CAPRIN2: variants seen among roughly 807,000 people sequenced by gnomAD.
The protein encoded by CAPRIN2 is caprin-2.
Under a neutral mutation model 130.4 loss-of-function variants are expected in CAPRIN2, and 66 were observed. The ratio of observed to expected loss-of-function variants is 0.51; its 90% CI spans 0.42 to 0.62. CAPRIN2 has a LOEUF of 0.62. Among genes scored for constraint, CAPRIN2 ranks in the 20% least tolerant of loss-of-function variants. CAPRIN2 has a pLI of 0.00. For synonymous variants in CAPRIN2, 471 were observed against 444.1 expected (o/e 1.06, Z -0.76); for missense variants, 1,185 against 1,246.6 (o/e 0.95, Z 0.74).
At chr12:30,730,093 T>C (rs536538285) in intron 7 of CAPRIN2, 146 bp downstream of exon 8, 2 of 629,714 alleles carry the variant, frequency 3.2e-6, no homozygotes, top group East Asian at 5.5e-5. Context: ...CTGGACCAGA[T>C]TTCTTGCCCA....
exon 8 of CAPRIN2, chr12:30,729,236 T>C: frequency 6.2e-7 from 1 of 1,613,066 alleles, no homozygotes; most frequent in Non-Finnish European, 8.5e-7. Context: ...TTGGGAGATT[T>C]GGTTTTCTAG....
intron 12 of CAPRIN2, among the ~76,000 whole-genome samples, chr12:30,718,028 C>A (rs1225570723): frequency 6.6e-6 from 1 of 151,992 alleles, no homozygotes; most frequent in South Asian, 2.1e-4. Flanking sequence ...CAATGTGTAC[C>A]GGGTAGGATT....
At chr12:30,733,688 G>A (rs1395165966) in exon 5 of CAPRIN2, 2 of 1,613,504 alleles carry the variant, frequency 1.2e-6, no homozygotes, top group Non-Finnish European at 1.7e-6. Flanking sequence ...GTACAAGGAT[G>A]ACTGCTCCAT....
exon 14 of CAPRIN2, chr12:30,715,095 A>G: frequency 1.2e-6 from 2 of 1,614,108 alleles, no homozygotes; most frequent in Non-Finnish European, 1.7e-6. Context: ...GGTAAAAGGC[A>G]AGGCTACCAT....
chr12:30,714,796 T>C, intron 14 of CAPRIN2, 163 bp downstream of exon 16: 2 of 512,802 alleles, frequency 3.9e-6, no homozygotes, highest in Non-Finnish European at 6.9e-6. Context: ...GTTCCTCTGT[T>C]ATGGAGAATA....
intron 2 of CAPRIN2, among the ~76,000 whole-genome samples, chr12:30,743,923 A>G (rs541287430): frequency 6.6e-6 from 1 of 152,268 alleles, no homozygotes; most frequent in Admixed American, 6.5e-5. Context: ...TCCATGCTCC[A>G]GTCTCGTTTA....
At chr12:30,732,285 CAG>C (rs1447303311) in intron 5 of CAPRIN2, among the ~76,000 whole-genome samples, 2 of 151,948 alleles carry the variant, frequency 1.3e-5, no homozygotes, top group Middle Eastern at 3.2e-3. Context: ...CCAAACTTAG[CAG>C]AGTTTCCGTA....
In CAPRIN2 at chr12:30,720,901, TG is replaced by T; in HGVS notation, c.2057del (p.Pro686GlnfsTer25). On this transcript the variant is annotated frameshift_variant, in exon 12 of 17. Coordinates refer to ENST00000298892, the Ensembl canonical transcript of CAPRIN2. LOFTEE classifies it high-confidence loss of function. ...AGCAAGCATTTGAGCTACAAGTAAC[TG>T]GAGAAGAAGTAGCCTAGACACAGGA... The T allele has an allele frequency of 6.2e-7, 1 of 1,612,030 alleles. No individual in the cohort carries two copies. Among genetic ancestry groups the T allele is most frequent in the Non-Finnish European group, 8.5e-7 (1 of 1,178,140 alleles).
At chr12:30,734,623 A>G (rs2063838230) in intron 4 of CAPRIN2, among the ~76,000 whole-genome samples, 1 of 152,170 alleles carries the variant, frequency 6.6e-6, no homozygotes, top group Admixed American at 6.6e-5. Flanking sequence ...AAATTACTTT[A>G]AAAGTTTTAG....
intron 3 of CAPRIN2, among the ~76,000 whole-genome samples, chr12:30,739,097 G>A (rs1359220631): frequency 2.0e-5 from 3 of 152,004 alleles, no homozygotes; most frequent in Non-Finnish European, 4.4e-5. Flanking sequence ...TAAAGACACA[G>A]GCATGCATAT....
intron 8 of CAPRIN2, among the ~76,000 whole-genome samples, chr12:30,726,519 T>C (rs942992400): frequency 6.6e-6 from 1 of 152,130 alleles, no homozygotes; most frequent in African/African-American, 2.4e-5. Flanking sequence ...TGTAAATACA[T>C]ATATAAGTAC....
At chr12:30,748,909 T>TTA (rs1382500930) in intron 2 of CAPRIN2, among the ~76,000 whole-genome samples, 4 of 152,184 alleles carry the variant, frequency 2.6e-5, no homozygotes, top group Non-Finnish European at 5.9e-5. Flanking sequence ...TTCATGGAAC[T>TTA]TACATTGTAA....
At chr12:30,713,785 C>T (rs1170769946) in exon 15 of CAPRIN2, 9 of 1,554,196 alleles carry the variant, frequency 5.8e-6, no homozygotes, top group Non-Finnish European at 8.0e-6. Flanking sequence ...TCTTACTTAC[C>T]CTTTGGGAAT....
At chr12:30,723,685 A>G (rs1353869406) in intron 10 of CAPRIN2, among the ~76,000 whole-genome samples, 7 of 152,194 alleles carry the variant, frequency 4.6e-5, no homozygotes, top group Non-Finnish European at 8.8e-5. Flanking sequence ...TTCAAAGTCA[A>G]TCTTATCTGG....
chr12:30,733,477 C>G, intron 5 of CAPRIN2, 152 bp downstream of exon 6: 1 of 614,040 alleles, frequency 1.6e-6, no homozygotes, highest in Non-Finnish European at 2.9e-6. Flanking sequence ...TTTAACAGAA[C>G]TAAACAAAGG....
intron 3 of CAPRIN2, among the ~76,000 whole-genome samples, 157 bp downstream of exon 4, chr12:30,740,863 C>A (rs944312884): frequency 6.6e-6 from 1 of 152,180 alleles, no homozygotes; most frequent in Non-Finnish European, 1.5e-5. Flanking sequence ...AAAACTAGTT[C>A]TCCAACAGTT....
intron 8 of CAPRIN2, among the ~76,000 whole-genome samples, chr12:30,727,974 G>A (rs1418355809): frequency 1.3e-5 from 2 of 152,130 alleles, no homozygotes; most frequent in African/African-American, 4.8e-5. Context: ...CGTATAGCAG[G>A]TAAATGACAA....
At chr12:30,725,795 T>C (rs11051045) in intron 9 of CAPRIN2, among the ~76,000 whole-genome samples, 171 bp downstream of exon 10, 43,411 of 152,038 alleles carry the variant, frequency 0.29, 6,393 homozygotes, top group Non-Finnish European at 0.33. Flanking sequence ...ATTTTTCAAA[T>C]AAATAAACTG....
chr12:30,749,270 G>A (rs1033082127), intron 2 of CAPRIN2, among the ~76,000 whole-genome samples: 2 of 152,176 alleles, frequency 1.3e-5, no homozygotes, highest in South Asian at 2.1e-4. Context: ...AATGTCAAAG[G>A]AAGTGGGAAG....
Sources: gnomAD v4.1 joint callset for allele counts (sites outside exome capture counted in the v4.1 genomes callset) on GRCh38, gnomAD v4.1.1 for gene constraint, MANE v1.5 for transcripts, NCBI Gene and HGNC (gene_info 2026-07-23, HGNC 2026-07-21) for gene names.